GLI4: variants seen among roughly 807,000 people sequenced by gnomAD.
GLI4 encodes the protein GLI family zinc finger 4.
In GLI4, 34 loss-of-function variants were observed where a neutral mutation model predicts 30.9. The observed-to-expected ratio is 1.10, with a 90% confidence interval of 0.84 to 1.47. GLI4 has a LOEUF of 1.47. GLI4 is among the 40% of genes most tolerant of loss of function. The pLI is 0.00. For synonymous variants in GLI4, 277 were observed against 236.7 expected (o/e 1.17, Z -1.56); for missense variants, 696 against 538.9 (o/e 1.29, Z -2.89).
intron 3 of GLI4, chr8:143,275,592 G>A: frequency 1.6e-6 from 2 of 1,248,676 alleles, no homozygotes; most frequent in Non-Finnish European, 2.0e-6. Context: ...CCTGGCTAAG[G>A]GTGACCCCAT....
At chr8:143,268,823 C>G (rs978057350) in intron 1 of GLI4, among the ~76,000 whole-genome samples, 26 of 149,486 alleles carry the variant, frequency 1.7e-4, no homozygotes, top group African/African-American at 4.9e-4. Context: ...GCGCGCCTTC[C>G]AAGGCGTTAC....
In GLI4 at chr8:143,269,489, G is replaced by A. The variant is rs376013527; in HGVS notation, c.93G>A (p.Glu31=). ...GGACACCTGGAACCCAGCACCACGA[G>A]CCTCAGCTTCACCTCCATGGGCATC... ...SPGTPGTQHH[E]PQLHLHGHQH... The change falls in exon 2 of 4, where the codon GAG becomes GAA. Residue 31 remains glutamate, a synonymous_variant. Coordinates refer to ENST00000340042, the MANE Select transcript of GLI4 (RefSeq NM_138465.4). The A allele has an allele frequency of 2.1e-5, 34 of 1,613,076 alleles. No individual in the cohort carries two copies. The highest frequency in any genetic ancestry group is 2.9e-5 in the Non-Finnish European group (34 of 1,179,632).
intron 1 of GLI4, among the ~76,000 whole-genome samples, chr8:143,269,000 C>T (rs767933279): frequency 5.3e-4 from 81 of 152,278 alleles, no homozygotes; most frequent in African/African-American, 1.9e-3. Flanking sequence ...CCCGCCACTG[C>T]GCCCAGCTAA....
intron 3 of GLI4, chr8:143,275,116 G>A (rs1815355533): frequency 2.0e-6 from 3 of 1,535,548 alleles, no homozygotes; most frequent in Non-Finnish European, 2.6e-6. Context: ...CCTTGGGCTG[G>A]GGCTTCTGGC....
At chr8:143,275,751 C>G in intron 3 of GLI4, 146 bp from the exon 4 acceptor site, 1 of 1,239,784 alleles carries the variant, frequency 8.1e-7, no homozygotes, top group Non-Finnish European at 1.0e-6. Flanking sequence ...CCCCTGTCCG[C>G]TTGTCTCCCA....
chr8:143,276,535 C>A lies in GLI4; in HGVS notation c.862C>A (p.Leu288Met), dbSNP rs1199299147. The A allele has an allele frequency of 2.5e-6, 4 of 1,609,744 alleles. No individual in the cohort carries two copies. The Admixed American group carries it at 5.0e-5, about 20-fold the overall frequency. Residue 288 changes from leucine to methionine, a missense_variant, in exon 4 of 4, where the codon CTG becomes ATG. Coordinates refer to ENST00000340042, the MANE Select transcript of GLI4 (RefSeq NM_138465.4). ...QSSNLVRHQR[L>M]HTGEKPYACS... Reference sequence around the variant, plus strand: ...CTCCAACCTGGTGCGCCACCAGCGGCTGCACACGGGTGAGAAGCCCTACGC... The same window carrying A: ...CTCCAACCTGGTGCGCCACCAGCGGATGCACACGGGTGAGAAGCCCTACGC...
chr8:143,269,288 T>G, intron 1 of GLI4, 72 bp from the exon 2 acceptor site: 1 of 1,129,968 alleles, frequency 8.8e-7, no homozygotes, highest in Non-Finnish European at 1.3e-6. Context: ...GCTGGCATGT[T>G]GCCTCCTCCT....
intron 1 of GLI4, 179 bp downstream of exon 1, chr8:143,267,663 T>A: frequency 1.0e-6 from 1 of 984,222 alleles, no homozygotes; most frequent in Non-Finnish European, 1.2e-6. Flanking sequence ...CTCCTGGGGG[T>A]CGCGGAGCAG....
rs942174565 is a variant in GLI4 at position 143,276,046 on chromosome 8, C to A, written c.373C>A (p.Arg125=). The A allele has an allele frequency of 1.8e-5, 24 of 1,371,376 alleles. No individual in the cohort carries two copies. Among genetic ancestry groups the A allele is most frequent in the Non-Finnish European group, 2.2e-5 (24 of 1,067,006 alleles). 85.0% of individuals were successfully genotyped at this position (1,371,376 alleles called of 1,614,324 possible). Residue 125 remains arginine (R), a synonymous_variant, in exon 4 of 4, where the codon CGG becomes AGG. Coordinates refer to ENST00000340042, the MANE Select transcript of GLI4 (RefSeq NM_138465.4). ...CTTCGGGCCTGAATCCAGCGCGGAGCGGCCGGCGGGCCAGCCGCCTGGGGC... is the reference window on the plus strand; with the variant it reads ...CTTCGGGCCTGAATCCAGCGCGGAGAGGCCGGCGGGCCAGCCGCCTGGGGC... ...AGFGPESSAE[R]PAGQPPGAVP... is the part of the protein sequence containing the mutation.
At chr8:143,272,582 T>G (rs978939432) in intron 2 of GLI4, 1 of 152,438 alleles carries the variant, frequency 6.6e-6, no homozygotes, top group African/African-American at 2.4e-5. Flanking sequence ...GCAGGGGTAC[T>G]TCTGCATAGA....
rs1237515679 is a variant in GLI4 at position 143,276,399 on chromosome 8, C to T, written c.726C>T (p.Gly242=). The T allele has an allele frequency of 1.9e-6, 3 of 1,612,614 alleles. No individual in the cohort carries two copies. Among genetic ancestry groups the T allele is most frequent in the African/African-American group, 1.3e-5 (1 of 74,998 alleles). ...IHTGEKPYEC[G]QCGRAFSHSS... ...CGGGCGAGAAGCCCTACGAGTGCGG[C>T]CAGTGCGGCCGCGCCTTCAGCCACA... The change falls in exon 4 of 4, where the codon GGC becomes GGT. Residue 242 remains glycine (G), a synonymous_variant. Transcript: ENST00000340042.
In GLI4 at chr8:143,276,798, C is replaced by A. The variant is rs1171353723; in HGVS notation, c.1125C>A (p.Arg375=). ...QLIQHQRVHY[R]E is the part of the protein sequence containing the mutation. ...TCCAGCACCAGCGGGTGCACTACCG[C>A]GAGTAGCCGGGCGGGGGCTCGGGGC... is the stretch of plus-strand genomic sequence containing the variant. Residue 375 remains arginine, a synonymous_variant, in exon 4 of 4, where the codon CGC becomes CGA. Transcript: ENST00000340042. The A allele has an allele frequency of 3.8e-6, 6 of 1,560,388 alleles. No individual in the cohort carries two copies. Among genetic ancestry groups the A allele is most frequent in the African/African-American group, 1.4e-5 (1 of 73,656 alleles).
intron 2 of GLI4, 113 bp from the exon 3 acceptor site, chr8:143,274,591 G>A: frequency 1.9e-6 from 2 of 1,043,580 alleles, no homozygotes; most frequent in Admixed American, 3.0e-5. Flanking sequence ...GGATTGGGAG[G>A]GCCAGGAGGT....
In GLI4 at chr8:143,276,138, C is replaced by T. The variant is rs1464301288; in HGVS notation, c.465C>T (p.Pro155=). 20 of 1,542,676 alleles carry T rather than the reference C, an allele frequency of 1.3e-5. No individual in the cohort carries two copies. The highest frequency in any genetic ancestry group is 1.7e-5 in the Non-Finnish European group (19 of 1,144,422). The change falls in exon 4 of 4, where the codon CCC becomes CCT. Residue 155 remains proline (P), a synonymous_variant. Transcript: ENST00000340042. The part of the protein sequence containing the change: ...VTLVQQAAAG[P]EGAPERAAEL... ...TCGTGCAGCAAGCAGCGGCCGGGCC[C>T]GAGGGTGCGCCCGAGCGGGCTGCCG... is the stretch of plus-strand genomic sequence containing the variant.
intron 1 of GLI4, 26 bp from the exon 2 acceptor site, chr8:143,269,334 T>A: frequency 6.4e-7 from 1 of 1,571,446 alleles, no homozygotes; most frequent in Non-Finnish European, 8.7e-7. Flanking sequence ...AATCCCCTCA[T>A]CTGCCATGGT....
At chr8:143,275,090 C>G in intron 3 of GLI4, 1 of 1,535,610 alleles carries the variant, frequency 6.5e-7, no homozygotes. Context: ...AGGAACTCCT[C>G]CCTCCCCTCC....
At position 143,276,463 on chromosome 8, in the gene GLI4, G is replaced by A. The variant is rs745456153; in HGVS notation, c.790G>A (p.Glu264Lys). The A allele has an allele frequency of 6.2e-7, 1 of 1,613,092 alleles. No homozygotes were observed. The highest frequency in any genetic ancestry group is 2.2e-5 in the East Asian group (1 of 44,872). The change falls in exon 4 of 4, where the codon GAG (glutamate) becomes AAG (lysine). Residue 264 changes from glutamate (E) to lysine (K), a missense_variant. Physicochemically the swap from Glu to Lys is moderately conservative, Grantham distance 56. Transcript: ENST00000340042. ...FTQHLRIHNG[E>K]KPYKCGECGQ... The stretch of plus-strand genomic sequence containing the variant: ...GCAGCACCTGCGCATCCACAACGGC[G>A]AGAAGCCCTACAAGTGCGGCGAGTG...
At chr8:143,268,515 G>A (rs1474460674) in intron 1 of GLI4, among the ~76,000 whole-genome samples, 1 of 152,172 alleles carries the variant, frequency 6.6e-6, no homozygotes, top group African/African-American at 2.4e-5. Context: ...AGTCTCTGAG[G>A]GCTCTGTAGG....
At position 143,276,333 on chromosome 8, in the gene GLI4, C is replaced by T. The variant is rs765748437; in HGVS notation, c.660C>T (p.Phe220=). The T allele has an allele frequency of 3.4e-5, 54 of 1,611,602 alleles. No homozygotes were observed. The highest frequency in any genetic ancestry group is 4.3e-5 in the Non-Finnish European group (51 of 1,179,516). Residue 220 remains phenylalanine, a synonymous_variant, in exon 4 of 4, where the codon TTC becomes TTT. Coordinates refer to ENST00000340042, the MANE Select transcript of GLI4 (RefSeq NM_138465.4). ...PYACHECGKR[F]RGWSGFIQHH... Reference sequence around the variant, plus strand: ...CCTGCCACGAGTGCGGCAAGCGCTTCCGCGGCTGGTCGGGCTTCATCCAGC... The same window carrying T: ...CCTGCCACGAGTGCGGCAAGCGCTTTCGCGGCTGGTCGGGCTTCATCCAGC...
Sources: gnomAD v4.1 joint callset for allele counts (sites outside exome capture counted in the v4.1 genomes callset) on GRCh38, gnomAD v4.1.1 for gene constraint, MANE v1.5 for transcripts, NCBI Gene and HGNC (gene_info 2026-07-23, HGNC 2026-07-21) for gene names.